The following PARD3B variants were observed in gnomAD, a reference collection of about 807,000 sequenced individuals.
PARD3B encodes partitioning defective 3 homolog B.
A neutral mutation model predicts 130.2 loss-of-function variants in PARD3B; 103 were observed. The observed-to-expected ratio is 0.79, with a 90% CI of 0.67 to 0.93. PARD3B has a LOEUF of 0.93. Ranked by LOEUF, PARD3B falls within the 40% of genes least tolerant of loss-of-function variation. The pLI is 0.00. For missense variants in PARD3B, 1,609 were observed against 1,499.2 expected, an observed-to-expected ratio of 1.07 and a Z score of -1.21; for synonymous variants, 583 against 553.2, an observed-to-expected ratio of 1.05 and a Z score of -0.76.
At chr2:204,658,954 C>T (rs1000955358) in intron 1 of PARD3B, among the ~76,000 whole-genome samples, 5 of 152,240 alleles carry the variant, frequency 3.3e-5, no homozygotes, top group East Asian at 1.9e-4. Context: ...TGCATTATCT[C>T]GGTTCCATTT....
At chr2:204,939,185 C>T (rs1416120627) in intron 2 of PARD3B, among the ~76,000 whole-genome samples, 1 of 152,112 alleles carries the variant, frequency 6.6e-6, no homozygotes, top group Non-Finnish European at 1.5e-5. Context: ...ATATTACCCT[C>T]ATTTTGATAA....
At chr2:205,199,748 A>G (rs1921789) in intron 15 of PARD3B, among the ~76,000 whole-genome samples, 124,738 of 152,068 alleles carry the variant, frequency 0.82, 51,797 homozygotes, top group East Asian at 0.98. Flanking sequence ...TGGTCAAACC[A>G]AAAAAGCATG....
intron 3 of PARD3B, among the ~76,000 whole-genome samples, chr2:204,990,678 A>G (rs4675479): frequency 0.99 from 151,086 of 152,246 alleles, 74,982 homozygotes; most frequent in Middle Eastern, 1. Context: ...TGCCCCAGTT[A>G]ATGACTTGTC....
intron 7 of PARD3B, among the ~76,000 whole-genome samples, chr2:205,119,655 G>A (rs539979176): frequency 7.2e-5 from 11 of 152,006 alleles, no homozygotes; most frequent in Admixed American, 2.0e-4. Context: ...GGTGGTACGC[G>A]CCTGTAATCC....
rs545921326 is a variant in PARD3B at position 204,636,415 on chromosome 2, C to T, written c.121-49766C>T. On this transcript the variant is annotated intron_variant, in intron 1 of 22. Coordinates refer to ENST00000406610, the MANE Select transcript of PARD3B (RefSeq NM_001302769.2). Reference sequence around the variant, plus strand: ...GGCTCTTTATTATCCTTATTTGGCTCACAGGCCTTTCTGAGCTAAGACTTT... The same window carrying T: ...GGCTCTTTATTATCCTTATTTGGCTTACAGGCCTTTCTGAGCTAAGACTTT... Among the ~76,000 whole-genome samples, 3 of 151,806 alleles carry T rather than the reference C, an allele frequency of 2.0e-5. No homozygotes were observed. The South Asian group carries it at 6.2e-4, about 32-fold the overall frequency.
In PARD3B at chr2:205,446,415, G is replaced by A. The variant is rs2047908934; in HGVS notation, c.3044+5743G>A. ...TCATCTACTTATTTGTAAAAGGGAA[G>A]ATTATAATATAGCCTTGCATCCTGT... On this transcript the variant is annotated intron_variant, in intron 20 of 22. Coordinates refer to ENST00000406610, the MANE Select transcript of PARD3B (RefSeq NM_001302769.2). The surrounding 1 kb of genome is among the most constrained non-coding windows in gnomAD (Gnocchi z 4.4). 6.6e-6 allele frequency among the ~76,000 whole-genome samples: 1 copy of A among 152,126 alleles called. No individual in the cohort carries two copies. Among genetic ancestry groups the A allele is most frequent in the Non-Finnish European group, 1.5e-5 (1 of 68,010 alleles).
At chr2:204,686,456 T>C (rs934876841) in intron 2 of PARD3B, among the ~76,000 whole-genome samples, 174 bp downstream of exon 2, 1 of 152,156 alleles carries the variant, frequency 6.6e-6, no homozygotes, top group Non-Finnish European at 1.5e-5. Context: ...TTGGAAAAAC[T>C]GTGTTAAGGT....
intron 10 of PARD3B, among the ~76,000 whole-genome samples, chr2:205,149,306 G>C (rs1235006731): frequency 6.6e-6 from 1 of 152,092 alleles, no homozygotes; most frequent in Admixed American, 6.6e-5. Context: ...TCAAACTCCT[G>C]ACCTCAAGTC....
rs1553634033 is a variant in PARD3B at position 205,183,730 on chromosome 2, T to TGTG, written c.1925-2034_1925-2033insGTG. ...GGTTCTGCAGAGAAACAGAACCAAG[T>TGTG]TGTGTGTGTGTGTGTGTGTGTGTGT... On this transcript the variant is annotated intron_variant, in intron 13 of 22. Transcript: ENST00000406610. The surrounding 1 kb of genome is among the most constrained non-coding windows in gnomAD (Gnocchi z 5.2). 4.3e-5 allele frequency among the ~76,000 whole-genome samples: 6 copies of TGTG among 138,252 alleles called. No individual in the cohort carries two copies. The highest frequency in any genetic ancestry group is 1.6e-4 in the African/African-American group (6 of 37,174). 90.7% of individuals were successfully genotyped at this position (138,252 alleles called of 152,430 possible).
intron 2 of PARD3B, among the ~76,000 whole-genome samples, chr2:204,773,461 A>G (rs914728645): frequency 1.6e-4 from 24 of 152,044 alleles, no homozygotes; most frequent in Admixed American, 1.5e-3. Flanking sequence ...AAATACAATC[A>G]TTTTCCATTT....
At chr2:204,574,079 G>A (rs2032136595) in intron 1 of PARD3B, among the ~76,000 whole-genome samples, 1 of 152,060 alleles carries the variant, frequency 6.6e-6, no homozygotes. Context: ...CTTTTCCCTC[G>A]GTGGGTGTGG....
chr2:205,507,965 A>G (rs2050437940), intron 21 of PARD3B, among the ~76,000 whole-genome samples: 1 of 152,228 alleles, frequency 6.6e-6, no homozygotes, highest in Non-Finnish European at 1.5e-5. Context: ...TCTGGAATTT[A>G]TTTATATAGG....
chr2:205,197,028 G>GTGT (rs1559532527), intron 15 of PARD3B, among the ~76,000 whole-genome samples: 5 of 9,482 alleles, frequency 5.3e-4, no homozygotes, highest in East Asian at 3.4e-3. Flanking sequence ...CACTGTGGGG[G>GTGT]GGGGGTGTGT....
chr2:205,180,772 C>T (rs759435268), intron 13 of PARD3B, among the ~76,000 whole-genome samples: 12 of 151,992 alleles, frequency 7.9e-5, no homozygotes, highest in African/African-American at 2.9e-4. Flanking sequence ...TTATAGAAAT[C>T]GTAATACCAG....
Position 205,269,932 on chromosome 2 carries a change from T to C in PARD3B, c.2185+24110T>C, listed in dbSNP as rs766090294. ...TCCCTAGAATACAGCAAATAATAAC[T>C]GAAGATTTTAAGGGACAACTTCAGA... is the stretch of plus-strand genomic sequence containing the variant. On this transcript the variant is annotated intron_variant, in intron 16 of 22. Coordinates refer to ENST00000406610, the MANE Select transcript of PARD3B (RefSeq NM_001302769.2). This position sits in a 1 kb window ranked among gnomAD's most constrained non-coding sequence, Gnocchi z 4.7. Among the ~76,000 whole-genome samples the C allele has an allele frequency of 3.2e-4, 48 of 152,158 alleles. No homozygotes were observed. Among genetic ancestry groups the C allele is most frequent in the Admixed American group, 3.9e-4 (6 of 15,264 alleles).
intron 2 of PARD3B, among the ~76,000 whole-genome samples, chr2:204,807,045 A>G (rs1021326956): frequency 6.6e-6 from 1 of 152,142 alleles, no homozygotes; most frequent in African/African-American, 2.4e-5. Flanking sequence ...GAGCAAAGGC[A>G]TGTCTTACAT....
chr2:204,698,867 G>T (rs1035831565), intron 2 of PARD3B, among the ~76,000 whole-genome samples: 1 of 151,822 alleles, frequency 6.6e-6, no homozygotes, highest in Non-Finnish European at 1.5e-5. Context: ...TCAAAATGTC[G>T]CTTCAACTGG....
At chr2:205,029,829 T>C (rs991901604) in intron 3 of PARD3B, among the ~76,000 whole-genome samples, 3 of 152,124 alleles carry the variant, frequency 2.0e-5, no homozygotes, top group Non-Finnish European at 4.4e-5. Flanking sequence ...TGGAAGTGTA[T>C]TACCAGACAG....
intron 18 of PARD3B, among the ~76,000 whole-genome samples, chr2:205,385,321 C>G (rs2247282): frequency 0.88 from 133,640 of 152,118 alleles, 58,876 homozygotes; most frequent in Admixed American, 0.93. Flanking sequence ...CTACCTGATA[C>G]AGGGAGAGTT....
Sources: allele counts gnomAD v4.1 joint callset (sites outside exome capture counted in the v4.1 genomes callset), GRCh38; gene constraint gnomAD v4.1.1; non-coding constraint Gnocchi (gnomAD v3.1); transcripts MANE v1.5; gene names NCBI Gene and HGNC (gene_info 2026-07-23, HGNC 2026-07-21).